JMJD1C: variants seen among roughly 807,000 people sequenced by gnomAD.
JMJD1C encodes the protein jumonji domain-containing protein 1C.
In JMJD1C, 31 loss-of-function variants were observed where a neutral mutation model predicts 245.3. The observed-to-expected ratio is 0.13, with a 90% CI of 0.09 to 0.17. JMJD1C has a LOEUF of 0.17. Among genes scored for constraint, JMJD1C ranks in the 10% least tolerant of loss-of-function variants. JMJD1C has a pLI of 1.00. For synonymous variants in JMJD1C, 1,057 were observed against 1,017.4 expected, an observed-to-expected ratio of 1.04 and a Z score of -0.74; for missense variants, 2,691 against 3,000.2, an observed-to-expected ratio of 0.90 and a Z score of 2.41.
Position 63,193,075 on chromosome 10 carries a change from G to A in JMJD1C, c.5939C>T (p.Pro1980Leu), listed in dbSNP as rs41274064. 0.034 allele frequency: 55,520 copies of A among 1,613,898 alleles called. 1,144 individuals carry two copies. Among genetic ancestry groups the A allele is most frequent in the Non-Finnish European group, 0.041 (48,488 of 1,179,888 alleles). The change falls in exon 16 of 26, where the codon CCG (proline) becomes CTG (leucine). Residue 1980 changes from proline to leucine, a missense_variant. Transcript: ENST00000399262. ...GCTGCCACCATTTTTCTCAGACTTC[G>A]GAGGAGTATTTTGCTGCTGAGACTC... Reference protein sequence around the residue: ...MPESQQQNTPPKSEKNGGSSP... With the variant: ...MPESQQQNTPLKSEKNGGSSP...
At chr10:63,514,802 G>A (rs1375740484) in intron 1 of JMJD1C, among the ~76,000 whole-genome samples, 2 of 152,040 alleles carry the variant, frequency 1.3e-5, no homozygotes, top group East Asian at 3.9e-4. Context: ...GTAAAAATAC[G>A]TAAAAAAATT....
chr10:63,171,517 A>C (rs1842357267), intron 24 of JMJD1C, among the ~76,000 whole-genome samples: 1 of 152,228 alleles, frequency 6.6e-6, no homozygotes, highest in East Asian at 1.9e-4. Context: ...TTTCTTCCCT[A>C]GCACTGCTGG....
chr10:63,465,468 G>A (rs757350383), intron 1 of JMJD1C, 27 bp downstream of exon 1: 23 of 1,573,196 alleles, frequency 1.5e-5, no homozygotes, highest in Non-Finnish European at 1.8e-5. Flanking sequence ...GCGCGGCAGG[G>A]GAAAAGGGGG....
chr10:63,278,380 GC>G (rs1857026426), intron 2 of JMJD1C, among the ~76,000 whole-genome samples: 1 of 137,136 alleles, frequency 7.3e-6, no homozygotes, highest in South Asian at 2.4e-4. Flanking sequence ...AATAAAATTA[GC>G]CGGGTGTGGT....
intron 2 of JMJD1C, among the ~76,000 whole-genome samples, chr10:63,305,379 A>AC (rs1043822993): frequency 1.2e-5 from 1 of 80,138 alleles, no homozygotes; most frequent in African/African-American, 3.1e-5. Context: ...AAAAAAAACA[A>AC]AAAACAAAAA....
chr10:63,412,377 C>G (rs1295996399), intron 1 of JMJD1C, among the ~76,000 whole-genome samples: 1 of 152,148 alleles, frequency 6.6e-6, no homozygotes, highest in East Asian at 1.9e-4. Context: ...TGGTATCATT[C>G]GAAGTTTGCG....
At chr10:63,350,156 A>T (rs550534847) in intron 2 of JMJD1C, among the ~76,000 whole-genome samples, 6 of 152,286 alleles carry the variant, frequency 3.9e-5, no homozygotes, top group African/African-American at 1.2e-4. Context: ...TAACATCCTT[A>T]TTACCTCCAT....
intron 3 of JMJD1C, among the ~76,000 whole-genome samples, chr10:63,227,434 AT>A (rs577323288): frequency 1.4e-3 from 211 of 152,338 alleles, no homozygotes; most frequent in Non-Finnish European, 2.5e-3. Context: ...AACGTAACAG[AT>A]TTGCTCAAAA....
intron 24 of JMJD1C, among the ~76,000 whole-genome samples, chr10:63,175,226 G>T (rs1472917137): frequency 6.6e-6 from 1 of 152,104 alleles, no homozygotes; most frequent in African/African-American, 2.4e-5. Flanking sequence ...GAGTCTAGAA[G>T]TCAAAGAAAT....
At chr10:63,400,358 G>T (rs1002951330) in intron 1 of JMJD1C, among the ~76,000 whole-genome samples, 16 of 152,144 alleles carry the variant, frequency 1.1e-4, no homozygotes, top group African/African-American at 3.9e-4. Flanking sequence ...TAAACAACAT[G>T]TGAGTGTGTC....
At chr10:63,252,709 C>T (rs1564686756) in intron 3 of JMJD1C, among the ~76,000 whole-genome samples, 1 of 152,172 alleles carries the variant, frequency 6.6e-6, no homozygotes, top group Non-Finnish European at 1.5e-5. Flanking sequence ...CTACAGAACC[C>T]TAGTCTTCTG....
At chr10:63,345,251 C>T (rs913429391) in intron 2 of JMJD1C, among the ~76,000 whole-genome samples, 6 of 152,234 alleles carry the variant, frequency 3.9e-5, no homozygotes, top group South Asian at 2.1e-4. Flanking sequence ...CTTTGTGAGG[C>T]CGAGGTGGGC....
intron 2 of JMJD1C, chr10:63,380,083 G>GT (rs1947086392): frequency 4.2e-6 from 2 of 476,906 alleles, no homozygotes; most frequent in Admixed American, 7.2e-5. Context: ...GGGACCACAG[G>GT]TATGTGCCAC....
At chr10:63,377,985 T>C (rs892548420) in intron 2 of JMJD1C, among the ~76,000 whole-genome samples, 12 of 148,844 alleles carry the variant, frequency 8.1e-5, no homozygotes, top group African/African-American at 2.4e-4. Flanking sequence ...TTATATATAT[T>C]AGTATATATA....
intron 22 of JMJD1C, among the ~76,000 whole-genome samples, chr10:63,181,962 T>C (rs567510092): frequency 6.6e-6 from 1 of 152,326 alleles, no homozygotes; most frequent in East Asian, 1.9e-4. Flanking sequence ...TGGTTACCTA[T>C]TATAGTCAAT....
chr10:63,335,940 G>A (rs1406359956), intron 2 of JMJD1C, among the ~76,000 whole-genome samples: 1 of 151,902 alleles, frequency 6.6e-6, no homozygotes, highest in African/African-American at 2.4e-5. Context: ...GGGCAACATG[G>A]TGAAAACCCA....
intron 1 of JMJD1C, among the ~76,000 whole-genome samples, chr10:63,417,680 T>C (rs1314250752): frequency 6.6e-6 from 1 of 152,210 alleles, no homozygotes; most frequent in East Asian, 1.9e-4. Flanking sequence ...TCTGTGATTA[T>C]GCTATATTCT....
intron 1 of JMJD1C, among the ~76,000 whole-genome samples, chr10:63,473,911 T>G (rs1253159308): frequency 6.6e-6 from 1 of 151,724 alleles, no homozygotes. Flanking sequence ...GGCATGGTGA[T>G]GGGCACCTGT....
At chr10:63,199,509 T>A (rs953101979) in intron 11 of JMJD1C, among the ~76,000 whole-genome samples, 4 of 152,182 alleles carry the variant, frequency 2.6e-5, no homozygotes, top group Non-Finnish European at 4.4e-5. Context: ...TTAAACCAAA[T>A]TTCTCCTTTT....
Sources: allele counts gnomAD v4.1 joint callset (sites outside exome capture counted in the v4.1 genomes callset), GRCh38; gene constraint gnomAD v4.1.1; transcripts MANE v1.5; gene names NCBI Gene and HGNC (gene_info 2026-07-23, HGNC 2026-07-21).